NBEA: variants seen among roughly 807,000 people sequenced by gnomAD.
NBEA encodes neurobeachin.
Under a neutral mutation model 343.4 loss-of-function variants are expected in NBEA, and 44 were observed. The observed-to-expected ratio is 0.13, with a 90% CI of 0.10 to 0.16. The LOEUF is 0.16. NBEA is among the 10% of genes least tolerant of loss of function. NBEA has a pLI of 1.00. For synonymous variants in NBEA, 1,175 were observed against 1,238.7 expected (o/e 0.95, Z 1.08); for missense variants, 2,555 against 3,631.3 (o/e 0.70, Z 7.62).
At chr13:35,504,381 C>G (rs371694226) in intron 41 of NBEA, among the ~76,000 whole-genome samples, 3 of 152,106 alleles carry the variant, frequency 2.0e-5, no homozygotes, top group African/African-American at 7.2e-5. Context: ...TGTTTCTCTT[C>G]CTTTCCCTGA....
chr13:35,539,876 A>G lies in NBEA; in HGVS notation c.6586-10601A>G, dbSNP rs1401333746. On this transcript the variant is annotated intron_variant, in intron 41 of 58. Transcript: ENST00000379939. ...GCTTGCAGGGAGCCGAGATCCTGCC[A>G]CTGCACTCCAGCCTGGGCGACAGAG... Among the ~76,000 whole-genome samples the G allele has an allele frequency of 3.0e-5, 4 of 134,328 alleles. 1 individual carries two copies. In the South Asian group the frequency reaches 9.9e-4, roughly 33 times the overall value. 88.1% of individuals were successfully genotyped at this position (134,328 alleles called of 152,430 possible).
At chr13:34,948,062 A>C (rs1348517626) in intron 1 of NBEA, among the ~76,000 whole-genome samples, 1 of 152,226 alleles carries the variant, frequency 6.6e-6, no homozygotes, top group Non-Finnish European at 1.5e-5. Context: ...TACGTAATGC[A>C]TTGAAGAGAA....
intron 31 of NBEA, among the ~76,000 whole-genome samples, chr13:35,204,422 A>C (rs2073236662): frequency 6.6e-6 from 1 of 152,096 alleles, no homozygotes; most frequent in South Asian, 2.1e-4. Context: ...GAAAATGAAG[A>C]AGCAGCAGAA....
In NBEA at chr13:35,195,918, G is replaced by A. The variant is rs774724121; in HGVS notation, c.4982G>A (p.Gly1661Asp). The A allele has an allele frequency of 6.2e-7, 1 of 1,612,892 alleles. No individual in the cohort carries two copies. Among genetic ancestry groups the A allele is most frequent in the Non-Finnish European group, 8.5e-7 (1 of 1,179,498 alleles). The change falls in exon 31 of 59, where the codon GGT becomes GAT. Residue 1661 changes from glycine to aspartate, a missense_variant. Physicochemically the swap from Gly to Asp is moderately conservative, Grantham distance 94. Around this residue, in one of 21 missense-constraint regions of NBEA, gnomAD observed 270 missense variants for 293.3 expected, o/e 0.92. Coordinates refer to ENST00000379939, the MANE Select transcript of NBEA (RefSeq NM_001385012.1). ...TIKEKETPTP[G>D]EDIQVESSIP... ...AAAGAAAAAGAAACACCAACTCCTG[G>A]TGAAGATATTCAGGTAGAAAGTTCA... is the stretch of plus-strand genomic sequence containing the variant.
At chr13:35,085,696 C>T (rs1173373572) in intron 10 of NBEA, among the ~76,000 whole-genome samples, 1 of 152,108 alleles carries the variant, frequency 6.6e-6, no homozygotes. Flanking sequence ...CCTCTCTCAC[C>T]ACTCCTGTTG....
At chr13:35,353,380 A>G (rs1403021552) in intron 38 of NBEA, among the ~76,000 whole-genome samples, 1 of 152,084 alleles carries the variant, frequency 6.6e-6, no homozygotes, top group Non-Finnish European at 1.5e-5. Context: ...GGTTGCAGTG[A>G]GCCGAGATTG....
chr13:35,002,901 G>A (rs2061191725), intron 1 of NBEA, among the ~76,000 whole-genome samples: 2 of 152,154 alleles, frequency 1.3e-5, no homozygotes, highest in African/African-American at 4.8e-5. Flanking sequence ...GAATATGGCG[G>A]ATGAGGCAAA....
intron 12 of NBEA, among the ~76,000 whole-genome samples, chr13:35,110,571 T>C (rs1157136946): frequency 6.6e-6 from 1 of 152,106 alleles, no homozygotes; most frequent in East Asian, 1.9e-4. Flanking sequence ...TTTAAAATTA[T>C]TTAATTGCCA....
At chr13:34,966,779 A>G (rs990962967) in intron 1 of NBEA, among the ~76,000 whole-genome samples, 4 of 151,962 alleles carry the variant, frequency 2.6e-5, no homozygotes, top group African/African-American at 9.6e-5. Flanking sequence ...ACAGATCATT[A>G]TATTATTGTT....
chr13:35,266,848 T>C (rs975038674), intron 34 of NBEA, among the ~76,000 whole-genome samples: 2 of 151,908 alleles, frequency 1.3e-5, no homozygotes, highest in African/African-American at 4.8e-5. Flanking sequence ...ACGTGTGCAG[T>C]TGACAATACC....
intron 38 of NBEA, among the ~76,000 whole-genome samples, chr13:35,372,131 C>T (rs1203446602): frequency 3.3e-5 from 5 of 152,092 alleles, no homozygotes; most frequent in African/African-American, 1.2e-4. Context: ...CAGCAGAGGG[C>T]CAGGTGGGTA....
At chr13:35,417,367 G>A (rs1322205493) in intron 38 of NBEA, among the ~76,000 whole-genome samples, 2 of 151,876 alleles carry the variant, frequency 1.3e-5, no homozygotes, top group African/African-American at 4.8e-5. Flanking sequence ...TCTCTTGTGG[G>A]CATTTGGTGC....
Position 35,155,532 on chromosome 13 carries a change from A to G in NBEA, c.2446-242A>G, listed in dbSNP as rs117034564. Among the ~76,000 whole-genome samples, 5 of 152,244 alleles carry G rather than the reference A, an allele frequency of 3.3e-5. No individual in the cohort carries two copies. The East Asian group carries it at 9.7e-4, about 30-fold the overall frequency. ...CCCAGCTATTTGGGAGACTGAGGGA[A>G]GAGAGTCACTTGAACCCATGAGGTG... On this transcript the variant is annotated intron_variant, in intron 18 of 58. Coordinates refer to ENST00000379939, the MANE Select transcript of NBEA (RefSeq NM_001385012.1).
At chr13:35,514,935 T>C (rs1465216894) in intron 41 of NBEA, among the ~76,000 whole-genome samples, 1 of 152,194 alleles carries the variant, frequency 6.6e-6, no homozygotes, top group Non-Finnish European at 1.5e-5. Flanking sequence ...CTTGTTGTGC[T>C]TTTGGCAATG....
At chr13:35,525,587 A>G (rs957509012) in intron 41 of NBEA, among the ~76,000 whole-genome samples, 1 of 152,122 alleles carries the variant, frequency 6.6e-6, no homozygotes, top group Non-Finnish European at 1.5e-5. Flanking sequence ...AACAAATAAA[A>G]AACAAAAAAA....
chr13:35,523,886 AT>A (rs200813520), intron 41 of NBEA, among the ~76,000 whole-genome samples: 7 of 150,232 alleles, frequency 4.7e-5, no homozygotes, highest in Non-Finnish European at 4.4e-5. Flanking sequence ...TTTTCCTTTG[AT>A]TTTTTTTCTG....
intron 38 of NBEA, among the ~76,000 whole-genome samples, chr13:35,363,883 C>G (rs509182): frequency 0.29 from 44,241 of 151,678 alleles, 8,303 homozygotes; most frequent in African/African-American, 0.54. Flanking sequence ...TTGTGACTTA[C>G]TGATTGAATA....
At chr13:35,566,728 T>A (rs1170180509) in intron 44 of NBEA, among the ~76,000 whole-genome samples, 177 bp from the exon 45 acceptor site, 2 of 152,188 alleles carry the variant, frequency 1.3e-5, no homozygotes, top group Non-Finnish European at 2.9e-5. Context: ...TCTAGTTACG[T>A]CTTAAAACAA....
chr13:35,476,400 A>G (rs1764091023), intron 41 of NBEA: 1 of 1,062,972 alleles, frequency 9.4e-7, no homozygotes, highest in African/African-American at 1.5e-5. Flanking sequence ...TTAAAGTGAA[A>G]GACTGTCCTC....
Sources: allele counts gnomAD v4.1 joint callset (sites outside exome capture counted in the v4.1 genomes callset), GRCh38; gene constraint gnomAD v4.1.1; regional missense constraint gnomAD v4.1.1; transcripts MANE v1.5; gene names NCBI Gene and HGNC (gene_info 2026-07-23, HGNC 2026-07-21).